INPP4A: variants seen among roughly 807,000 people sequenced by gnomAD.
INPP4A encodes the protein inositol polyphosphate-4-phosphatase type I A, also known as inositol polyphosphate-4-phosphatase, type I, 107kD.
In INPP4A, 33 loss-of-function variants were observed where a neutral mutation model predicts 119.8. That is an observed-to-expected ratio of 0.28 (90% CI 0.21 to 0.37). INPP4A has a LOEUF of 0.37. INPP4A is among the 10% of genes least tolerant of loss of function. INPP4A has a pLI of 1.00. For missense variants in INPP4A, 956 were observed against 1,289.9 expected (o/e 0.74, Z 3.97); for synonymous variants, 496 against 500.7 (o/e 0.99, Z 0.12).
rs997178146 is a variant in INPP4A at position 98,445,056 on chromosome 2, CG to C, written c.-193del. 1 of 148,506 alleles carries C rather than the reference CG, an allele frequency of 6.7e-6. No homozygotes were observed. The highest frequency in any genetic ancestry group is 1.5e-5 in the Non-Finnish European group (1 of 66,422). 9.2% of individuals were successfully genotyped at this position (148,506 alleles called of 1,614,324 possible). Reference sequence around the variant, plus strand: ...CGCGCAGCCCGGCGGGACAGCGGGGCGGCTGGCGCCGGGGGCCGGGGAGCGC... The same window carrying C: ...CGCGCAGCCCGGCGGGACAGCGGGGCGCTGGCGCCGGGGGCCGGGGAGCGC... On this transcript the variant is annotated 5_prime_UTR_variant, in exon 1 of 25. Coordinates refer to ENST00000409851, the MANE Select transcript of INPP4A (RefSeq NM_001134225.2).
chr2:98,480,940 G>A (rs969657828), intron 1 of INPP4A, among the ~76,000 whole-genome samples: 9 of 152,200 alleles, frequency 5.9e-5, no homozygotes, highest in African/African-American at 2.2e-4. Flanking sequence ...AGGAGTTGTG[G>A]TGCTGCACGT....
chr2:98,527,232 C>CA (rs765206515), intron 4 of INPP4A, among the ~76,000 whole-genome samples: 4 of 152,232 alleles, frequency 2.6e-5, no homozygotes, highest in South Asian at 4.1e-4. Flanking sequence ...GGAGATCCTA[C>CA]AAAAAAGCCC....
chr2:98,572,959 T>G, intron 23 of INPP4A, 32 bp downstream of exon 23: 3 of 1,454,144 alleles, frequency 2.1e-6, no homozygotes, highest in Non-Finnish European at 2.8e-6. Context: ...AGGAGGCTAT[T>G]GCGGTGCCCA....
chr2:98,520,969 G>A, intron 4 of INPP4A: 1 of 427,924 alleles, frequency 2.3e-6, no homozygotes, highest in Non-Finnish European at 4.1e-6. Flanking sequence ...CGCCCCCTTG[G>A]GGGTATGCTC....
At chr2:98,485,954 A>G (rs1230973703) in intron 1 of INPP4A, among the ~76,000 whole-genome samples, 1 of 152,206 alleles carries the variant, frequency 6.6e-6, no homozygotes, top group Admixed American at 6.5e-5. Context: ...GCTTGTTCAA[A>G]TAAGGGGAGG....
In INPP4A at chr2:98,546,769, A is replaced by T. The variant is rs1263713153; in HGVS notation, c.1163+75A>T. ...CTTTTCTCAGTTTAAAATAAAATCA[A>T]AATATGACCGCAAAAACACCCAGCC... On this transcript the variant is annotated intron_variant, in intron 13 of 24. Transcript: ENST00000409851. The surrounding 1 kb of genome is among the most constrained non-coding windows in gnomAD (Gnocchi z 4.2). 3.1e-6 allele frequency: 3 copies of T among 978,014 alleles called. No individual in the cohort carries two copies. In the East Asian group the frequency reaches 7.6e-5, roughly 25 times the overall value. 60.6% of individuals were successfully genotyped at this position (978,014 alleles called of 1,614,324 possible).
intron 1 of INPP4A, among the ~76,000 whole-genome samples, chr2:98,511,244 A>G (rs1342767507): frequency 6.6e-6 from 1 of 152,120 alleles, no homozygotes; most frequent in South Asian, 2.1e-4. Flanking sequence ...TATTTTTAGT[A>G]GAAAGGGGTT....
chr2:98,496,712 A>G (rs540659825), intron 1 of INPP4A, among the ~76,000 whole-genome samples: 3 of 152,380 alleles, frequency 2.0e-5, no homozygotes, highest in Admixed American at 2.0e-4. Flanking sequence ...AAAGACCTGA[A>G]TAGACATTTC....
intron 4 of INPP4A, among the ~76,000 whole-genome samples, chr2:98,533,127 G>A (rs770089827): frequency 1.2e-4 from 19 of 152,234 alleles, no homozygotes; most frequent in Non-Finnish European, 2.4e-4. Flanking sequence ...CATGGACATG[G>A]GAAGCCCCCG....
At chr2:98,516,986 G>A (rs1686258744) in intron 1 of INPP4A, among the ~76,000 whole-genome samples, 1 of 151,570 alleles carries the variant, frequency 6.6e-6, no homozygotes, top group South Asian at 2.1e-4. Context: ...ACTTTGTATT[G>A]GGGTATAAAA....
intron 1 of INPP4A, among the ~76,000 whole-genome samples, chr2:98,476,045 A>G (rs1052545109): frequency 6.6e-6 from 1 of 152,320 alleles, no homozygotes; most frequent in East Asian, 1.9e-4. Flanking sequence ...AGTCTTTGCA[A>G]TGTGATTTTG....
chr2:98,490,659 T>C (rs1055724020), intron 1 of INPP4A, among the ~76,000 whole-genome samples: 5 of 152,148 alleles, frequency 3.3e-5, no homozygotes, highest in African/African-American at 1.2e-4. Context: ...CTTCCTCTCT[T>C]CTTCTGTTTG....
In INPP4A at chr2:98,590,079, G is replaced by T. The variant is rs1024264592; in HGVS notation, c.*2471G>T. Reference sequence around the variant, plus strand: ...ACAGTTACTGTTTTATATATTCTTAGGTCATTCAAAGCCATGTATGCTGTA... The same window carrying T: ...ACAGTTACTGTTTTATATATTCTTATGTCATTCAAAGCCATGTATGCTGTA... On this transcript the variant is annotated 3_prime_UTR_variant, in exon 25 of 25. Coordinates refer to ENST00000409851, the MANE Select transcript of INPP4A (RefSeq NM_001134225.2). 7 of 192,306 alleles carry T rather than the reference G, an allele frequency of 3.6e-5. No individual in the cohort carries two copies. The Admixed American group carries it at 3.7e-4, about 10-fold the overall frequency. 11.9% of individuals were successfully genotyped at this position (192,306 alleles called of 1,614,324 possible). A position where few individuals can be genotyped will look rare whatever the true frequency, so the allele number is the denominator to read the frequency against.
intron 14 of INPP4A, 60 bp downstream of exon 14, chr2:98,553,029 C>G: frequency 2.9e-6 from 4 of 1,356,468 alleles, no homozygotes; most frequent in Non-Finnish European, 4.1e-6. Flanking sequence ...CTGGAAGCCA[C>G]CAGGCAGCCC....
At chr2:98,555,457 C>T in intron 15 of INPP4A, 96 bp from the exon 16 acceptor site, 3 of 1,331,272 alleles carry the variant, frequency 2.3e-6, no homozygotes, top group Middle Eastern at 1.9e-4. Context: ...GTGTGGAAGC[C>T]TAGGGCAGGG....
chr2:98,543,931 G>A lies in INPP4A; in HGVS notation c.873G>A (p.Arg291=), dbSNP rs1691997291. 1 of 1,608,970 alleles carries A rather than the reference G, an allele frequency of 6.2e-7. No homozygotes were observed. Among genetic ancestry groups the A allele is most frequent in the Admixed American group, 1.7e-5 (1 of 59,308 alleles). The part of the protein sequence containing the change: ...GELSPCWESL[R]RQIVTQYQTI... ...TGTCCCCTTGCTGGGAGAGCCTCCG[G>A]CGCCAAATTGTCACCCAGTACCAGA... Residue 291 remains arginine, a synonymous_variant, in exon 11 of 25, where the codon CGG becomes CGA. Transcript: ENST00000409851.
At chr2:98,575,023 A>C (rs1440283442) in intron 23 of INPP4A, among the ~76,000 whole-genome samples, 2 of 152,164 alleles carry the variant, frequency 1.3e-5, no homozygotes, top group Non-Finnish European at 2.9e-5. Flanking sequence ...CCTGGGGATA[A>C]GGGGTTGTGG....
At chr2:98,531,644 G>T (rs747995684) in intron 4 of INPP4A, among the ~76,000 whole-genome samples, 1 of 152,136 alleles carries the variant, frequency 6.6e-6, no homozygotes, top group Non-Finnish European at 1.5e-5. Flanking sequence ...CAACTAGACC[G>T]ACCGCTGACT....
intron 4 of INPP4A, among the ~76,000 whole-genome samples, chr2:98,522,453 TG>T (rs1273640201): frequency 6.6e-6 from 1 of 151,976 alleles, no homozygotes; most frequent in African/African-American, 2.4e-5. Context: ...AAAAATTCTA[TG>T]AAGTTTGGAA....
Sources: allele counts gnomAD v4.1 joint callset (sites outside exome capture counted in the v4.1 genomes callset), GRCh38; gene constraint gnomAD v4.1.1; non-coding constraint Gnocchi (gnomAD v3.1); transcripts MANE v1.5; gene names NCBI Gene and HGNC (gene_info 2026-07-23, HGNC 2026-07-21).